The following ALK variants were observed in gnomAD, a reference collection of about 807,000 sequenced individuals.
The protein encoded by ALK is ALK receptor tyrosine kinase, also known as ALK tyrosine kinase receptor.
Under a neutral mutation model 163.1 loss-of-function variants are expected in ALK, and 74 were observed. That is an observed-to-expected ratio of 0.45 (90% CI 0.38 to 0.55). The LOEUF is 0.55. Among genes scored for constraint, ALK ranks in the 20% least tolerant of loss-of-function variants. The probability of loss-of-function intolerance (pLI) is 0.00; values close to 1 mark genes in which losing one functional copy is unlikely to be tolerated. For synonymous variants in ALK, 960 were observed against 843.2 expected, an observed-to-expected ratio of 1.14 and a Z score of -2.40; for missense variants, 2,063 against 2,105.3, an observed-to-expected ratio of 0.98 and a Z score of 0.39.
At chr2:29,403,709 CAAAAAAAAAAAAAA>C (rs67270103) in intron 4 of ALK, among the ~76,000 whole-genome samples, 5 of 74,182 alleles carry the variant, frequency 6.7e-5, no homozygotes, top group Non-Finnish European at 1.1e-4. Flanking sequence ...CAGGTCTCTA[CAAAAAAAAAAAAAA>C]AAAAAAAAAA....
chr2:29,712,088 T>A (rs1483575760), intron 2 of ALK, among the ~76,000 whole-genome samples: 1 of 152,154 alleles, frequency 6.6e-6, no homozygotes, highest in Admixed American at 6.5e-5. Context: ...TTTAAACATG[T>A]CTCTCCTCGA....
At chr2:29,511,444 T>A (rs1170194431) in intron 4 of ALK, among the ~76,000 whole-genome samples, 1 of 152,218 alleles carries the variant, frequency 6.6e-6, no homozygotes, top group Non-Finnish European at 1.5e-5. Context: ...ATTTTGAGAT[T>A]CATCCATGTT....
chr2:29,426,808 G>T (rs1001272446), intron 4 of ALK, among the ~76,000 whole-genome samples: 1 of 151,998 alleles, frequency 6.6e-6, no homozygotes, highest in Non-Finnish European at 1.5e-5. Context: ...GGGAGGCCGA[G>T]GTGGGTAGAT....
intron 9 of ALK, among the ~76,000 whole-genome samples, chr2:29,279,126 G>A (rs1485860026): frequency 6.6e-6 from 1 of 152,210 alleles, no homozygotes; most frequent in Non-Finnish European, 1.5e-5. Flanking sequence ...CTCTTAGCAT[G>A]GATGGGATGA....
chr2:29,320,245 A>C (rs1281769870), intron 7 of ALK, among the ~76,000 whole-genome samples: 2 of 152,160 alleles, frequency 1.3e-5, no homozygotes, highest in Admixed American at 6.5e-5. Context: ...GACAGGCATT[A>C]CTAGCTTAAA....
intron 4 of ALK, among the ~76,000 whole-genome samples, chr2:29,387,608 A>G (rs1669062424): frequency 6.6e-6 from 1 of 152,222 alleles, no homozygotes; most frequent in South Asian, 2.1e-4. Flanking sequence ...TTGAATTAAA[A>G]GTTCCCTAAG....
intron 4 of ALK, among the ~76,000 whole-genome samples, chr2:29,390,183 A>G (rs1439631336): frequency 3.9e-5 from 6 of 152,150 alleles, no homozygotes; most frequent in Non-Finnish European, 7.4e-5. Flanking sequence ...CTTTATTCCT[A>G]TTTCTGGCTC....
intron 1 of ALK, among the ~76,000 whole-genome samples, chr2:29,729,808 T>G (rs375164009): frequency 7.2e-5 from 11 of 152,168 alleles, no homozygotes; most frequent in African/African-American, 1.9e-4. Context: ...TCGGTTTTAC[T>G]ATAGAAAATC....
At chr2:29,848,386 T>A (rs1422155846) in intron 1 of ALK, among the ~76,000 whole-genome samples, 2 of 151,262 alleles carry the variant, frequency 1.3e-5, no homozygotes, top group Non-Finnish European at 2.9e-5. Context: ...TGAGAACCAC[T>A]GAGCTAGACT....
intron 1 of ALK, among the ~76,000 whole-genome samples, chr2:29,748,067 A>G (rs1680252727): frequency 6.6e-6 from 1 of 152,160 alleles, no homozygotes; most frequent in African/African-American, 2.4e-5. Flanking sequence ...GGAAAACAAA[A>G]AAGCAGTTTG....
At chr2:29,477,669 C>T (rs546344237) in intron 4 of ALK, among the ~76,000 whole-genome samples, 19 of 152,238 alleles carry the variant, frequency 1.2e-4, no homozygotes, top group African/African-American at 4.1e-4. Flanking sequence ...AGATCCTAAC[C>T]GGCTGCTGGT....
rs778826677 is a variant in ALK at position 29,673,517 on chromosome 2, G to C, written c.952+21333C>G. On this transcript the variant is annotated intron_variant, in intron 3 of 28. Coordinates refer to ENST00000389048, the MANE Select transcript of ALK (RefSeq NM_004304.5). ...ATGCGGCGTTATTTCTGAGGGCTCT[G>C]TTCTGTTCCATTGATCTATATTTCT... Among the ~76,000 whole-genome samples the C allele has an allele frequency of 6.9e-3, 604 of 87,110 alleles. 12 individuals are homozygous for C. The highest frequency in any genetic ancestry group is 0.014 in the Middle Eastern group (3 of 222). 57.1% of individuals were successfully genotyped at this position (87,110 alleles called of 152,430 possible).
intron 4 of ALK, among the ~76,000 whole-genome samples, chr2:29,401,569 C>T (rs1379383410): frequency 6.6e-6 from 1 of 152,124 alleles, no homozygotes; most frequent in Non-Finnish European, 1.5e-5. Context: ...AGTGGAAGAA[C>T]AGAGGTGGGT....
At chr2:29,673,352 G>A (rs1291484181) in intron 3 of ALK, among the ~76,000 whole-genome samples, 10 of 127,402 alleles carry the variant, frequency 7.8e-5, no homozygotes, top group Non-Finnish European at 1.6e-4. Flanking sequence ...ATTGATTTTT[G>A]TATAAGGTGT....
At chr2:29,642,109 G>A (rs1310149564) in intron 3 of ALK, among the ~76,000 whole-genome samples, 1 of 152,132 alleles carries the variant, frequency 6.6e-6, no homozygotes, top group African/African-American at 2.4e-5. Flanking sequence ...TGGTCCACCT[G>A]GGAGCTTGTC....
chr2:29,857,615 G>C (rs532532576), intron 1 of ALK, among the ~76,000 whole-genome samples: 7 of 152,260 alleles, frequency 4.6e-5, no homozygotes, highest in Non-Finnish European at 7.3e-5. Flanking sequence ...CATGAAGGGT[G>C]GTATGACCGA....
chr2:29,409,149 G>A (rs564116079), intron 4 of ALK, among the ~76,000 whole-genome samples: 1 of 152,298 alleles, frequency 6.6e-6, no homozygotes, highest in South Asian at 2.1e-4. Flanking sequence ...AACCCAAGGA[G>A]TGAGCCATAT....
At chr2:29,339,948 G>A (rs1025279511) in intron 5 of ALK, among the ~76,000 whole-genome samples, 1 of 152,168 alleles carries the variant, frequency 6.6e-6, no homozygotes, top group Non-Finnish European at 1.5e-5. Flanking sequence ...TCATTTTTGT[G>A]GTCGGGTTCT....
intron 3 of ALK, among the ~76,000 whole-genome samples, chr2:29,644,331 T>C (rs1676810727): frequency 1.3e-5 from 2 of 151,798 alleles, no homozygotes; most frequent in Admixed American, 1.3e-4. Context: ...CACACCAACA[T>C]GGCACATGTT....
Sources: allele counts gnomAD v4.1 joint callset (sites outside exome capture counted in the v4.1 genomes callset), GRCh38; gene constraint gnomAD v4.1.1; transcripts MANE v1.5; gene names NCBI Gene and HGNC (gene_info 2026-07-23, HGNC 2026-07-21).